Variants in SORCS3 observed in about 807,000 individuals in gnomAD.
The protein encoded by SORCS3 is VPS10 domain-containing receptor SorCS3.
In SORCS3, 57 loss-of-function variants were observed where a neutral mutation model predicts 146.3. The ratio of observed to expected loss-of-function variants is 0.39; its 90% confidence interval spans 0.31 to 0.49. The LOEUF (loss-of-function observed/expected upper bound fraction) is 0.49, where lower values mean the gene tolerates loss of function less well. Among genes scored for constraint, SORCS3 ranks in the 20% least tolerant of loss-of-function variants. The probability of loss-of-function intolerance (pLI) is 0.92; values close to 1 mark genes in which losing one functional copy is unlikely to be tolerated. For synonymous variants in SORCS3, 653 were observed against 618.5 expected (o/e 1.06, Z -0.83); for missense variants, 1,341 against 1,575.5 (o/e 0.85, Z 2.52).
At position 105,214,632 on chromosome 10, in the gene SORCS3, C is replaced by T; in HGVS notation, c.2547+19C>T. 1.3e-6 allele frequency: 2 copies of T among 1,541,662 alleles called. No homozygotes were observed. The highest frequency in any genetic ancestry group is 4.6e-5 in the East Asian group (2 of 43,556). Reference sequence around the variant, plus strand: ...GGAGGAGGTAGGTGCTCAACTGGGTCTCTGAGGTCAGAACTCCCAACCAGA... The same window carrying T: ...GGAGGAGGTAGGTGCTCAACTGGGTTTCTGAGGTCAGAACTCCCAACCAGA... On this transcript the variant is annotated intron_variant, in intron 18 of 26. Coordinates refer to ENST00000369701, the MANE Select transcript of SORCS3 (RefSeq NM_014978.3).
intron 1 of SORCS3, among the ~76,000 whole-genome samples, chr10:104,705,945 C>T (rs11812526): frequency 0.025 from 3,741 of 152,182 alleles, 156 homozygotes; most frequent in African/African-American, 0.083. Flanking sequence ...GTGCTGGGCC[C>T]GAGTCAAAAG....
intron 2 of SORCS3, among the ~76,000 whole-genome samples, chr10:104,905,791 G>A (rs545912631): frequency 5.9e-5 from 9 of 152,302 alleles, no homozygotes; most frequent in Admixed American, 1.3e-4. Flanking sequence ...GAGATGAGAG[G>A]CTCCGTCGGG....
intron 20 of SORCS3, among the ~76,000 whole-genome samples, chr10:105,229,528 G>A (rs1213803334): frequency 6.6e-6 from 1 of 152,178 alleles, no homozygotes; most frequent in African/African-American, 2.4e-5. Context: ...TTTTCCTGAA[G>A]ATGTTTTTAT....
At chr10:104,921,501 CTCTGTGTGTGTG>C (rs2019086763) in intron 3 of SORCS3, among the ~76,000 whole-genome samples, 1 of 130,034 alleles carries the variant, frequency 7.7e-6, no homozygotes, top group East Asian at 2.0e-4. Context: ...CTCTCTCTCT[CTCTGTGTGTGTG>C]TGTGTGTGTG....
chr10:105,154,240 A>G (rs2056189674), intron 9 of SORCS3, among the ~76,000 whole-genome samples: 1 of 151,634 alleles, frequency 6.6e-6, no homozygotes, highest in African/African-American at 2.4e-5. Context: ...CTGCTTAGAG[A>G]CTCCACAGGG....
chr10:104,738,363 A>G lies in SORCS3; in HGVS notation c.627+96409A>G, dbSNP rs549555643. On this transcript the variant is annotated intron_variant, in intron 1 of 26. Coordinates refer to ENST00000369701, the MANE Select transcript of SORCS3 (RefSeq NM_014978.3). ...CACAACTCACCCACATATCCATGACATTTTATATCGATCCAGCCGAGGCAC... is the reference window on the plus strand; with the variant it reads ...CACAACTCACCCACATATCCATGACGTTTTATATCGATCCAGCCGAGGCAC... 1.4e-4 allele frequency among the ~76,000 whole-genome samples: 21 copies of G among 152,270 alleles called. No individual in the cohort carries two copies. The South Asian group carries it at 3.7e-3, about 27-fold the overall frequency.
At chr10:105,224,248 C>T (rs903070279) in intron 20 of SORCS3, among the ~76,000 whole-genome samples, 2 of 152,188 alleles carry the variant, frequency 1.3e-5, no homozygotes, top group Non-Finnish European at 2.9e-5. Context: ...TTCTTACCTG[C>T]CTCCTCCTTA....
intron 3 of SORCS3, among the ~76,000 whole-genome samples, chr10:104,916,137 A>C (rs1292437600): frequency 6.6e-6 from 1 of 152,242 alleles, no homozygotes; most frequent in Non-Finnish European, 1.5e-5. Context: ...AGTGATAGTA[A>C]TGCCACCAGT....
At chr10:105,243,389 C>T (rs1294179957) in intron 20 of SORCS3, among the ~76,000 whole-genome samples, 1 of 152,110 alleles carries the variant, frequency 6.6e-6, no homozygotes, top group Non-Finnish European at 1.5e-5. Context: ...TCTAATTATA[C>T]TAGAAATGGT....
At chr10:104,680,485 G>C (rs1014086990) in intron 1 of SORCS3, among the ~76,000 whole-genome samples, 1 of 152,218 alleles carries the variant, frequency 6.6e-6, no homozygotes, top group Admixed American at 6.5e-5. Context: ...GCTGTCCCCC[G>C]TGTGGACTCT....
intron 1 of SORCS3, among the ~76,000 whole-genome samples, chr10:104,725,942 G>A (rs1452341110): frequency 2.0e-5 from 3 of 152,194 alleles, no homozygotes; most frequent in Admixed American, 2.0e-4. Flanking sequence ...GCGATGCCTC[G>A]CCCTGCTTCG....
intron 16 of SORCS3, among the ~76,000 whole-genome samples, chr10:105,201,676 T>C (rs1324090394): frequency 6.6e-6 from 1 of 152,174 alleles, no homozygotes; most frequent in Admixed American, 6.5e-5. Context: ...ATAACAGCAA[T>C]GGAGAACAAC....
At chr10:105,097,938 G>A (rs931516848) in intron 6 of SORCS3, among the ~76,000 whole-genome samples, 8 of 152,272 alleles carry the variant, frequency 5.3e-5, no homozygotes, top group East Asian at 1.9e-4. Flanking sequence ...ATATGCCACC[G>A]TCCTTTGTTT....
intron 4 of SORCS3, among the ~76,000 whole-genome samples, chr10:104,982,280 A>C (rs1418871803): frequency 6.6e-6 from 1 of 152,198 alleles, no homozygotes; most frequent in East Asian, 1.9e-4. Context: ...AGGGCCTAAA[A>C]ATTCAAAAGG....
chr10:104,849,408 T>C (rs533863029), intron 2 of SORCS3, among the ~76,000 whole-genome samples: 4 of 60,820 alleles, frequency 6.6e-5, no homozygotes, highest in South Asian at 1.7e-3. Flanking sequence ...CGAGACTCCA[T>C]CTCAAAAAAA....
intron 20 of SORCS3, among the ~76,000 whole-genome samples, chr10:105,230,695 C>T (rs2056760993): frequency 6.6e-6 from 1 of 152,136 alleles, no homozygotes; most frequent in Admixed American, 6.5e-5. Context: ...GTGGCCTGTG[C>T]CTTAGTCCAC....
intron 1 of SORCS3, among the ~76,000 whole-genome samples, chr10:104,720,222 C>G (rs1220988406): frequency 6.6e-6 from 1 of 151,588 alleles, no homozygotes; most frequent in East Asian, 1.9e-4. Context: ...TGAGAAAATG[C>G]GGTGTTTGGT....
At chr10:105,108,029 A>T (rs913673317) in intron 7 of SORCS3, among the ~76,000 whole-genome samples, 3 of 127,582 alleles carry the variant, frequency 2.4e-5, no homozygotes, top group African/African-American at 8.5e-5. Context: ...TGTTATATGA[A>T]TATTTGCTTT....
intron 1 of SORCS3, among the ~76,000 whole-genome samples, chr10:104,756,781 C>T (rs2017057996): frequency 6.6e-6 from 1 of 152,178 alleles, no homozygotes; most frequent in South Asian, 2.1e-4. Flanking sequence ...GCTTTAGTAC[C>T]TCTCTTTAGA....
Sources: allele counts gnomAD v4.1 joint callset (sites outside exome capture counted in the v4.1 genomes callset), GRCh38; gene constraint gnomAD v4.1.1; transcripts MANE v1.5; gene names NCBI Gene and HGNC (gene_info 2026-07-23, HGNC 2026-07-21).